Variants in MYH9 observed in about 807,000 individuals in gnomAD.
MYH9 encodes the protein myosin-9.
Under a neutral mutation model 241.9 loss-of-function variants are expected in MYH9, and 29 were observed. The observed-to-expected ratio is 0.12, with a 90% CI of 0.09 to 0.16. MYH9 has a LOEUF of 0.16. Ranked by LOEUF, MYH9 falls within the 10% of genes least tolerant of loss-of-function variation. MYH9 has a pLI of 1.00. For missense variants in MYH9, 1,803 were observed against 2,595.5 expected (o/e 0.69, Z 6.63); for synonymous variants, 1,047 against 1,062.6 (o/e 0.99, Z 0.29).
intron 1 of MYH9, among the ~76,000 whole-genome samples, chr22:36,364,178 A>G (rs1301553131): frequency 6.6e-6 from 1 of 152,248 alleles, no homozygotes; most frequent in Non-Finnish European, 1.5e-5. Context: ...TCAAGCCTTC[A>G]GCAGCTTGTT....
intron 2 of MYH9, among the ~76,000 whole-genome samples, chr22:36,343,211 AG>A (rs2017616884): frequency 6.6e-6 from 1 of 152,150 alleles, no homozygotes; most frequent in African/African-American, 2.4e-5. Flanking sequence ...CAGAACCCAG[AG>A]GGCCCCAACA....
intron 3 of MYH9, among the ~76,000 whole-genome samples, chr22:36,327,831 T>C (rs2017360492): frequency 6.6e-6 from 1 of 152,168 alleles, no homozygotes; most frequent in Admixed American, 6.5e-5. Flanking sequence ...GGACCTGCCC[T>C]GTGTGTTTAT....
intron 1 of MYH9, among the ~76,000 whole-genome samples, chr22:36,386,393 T>C (rs75680840): frequency 0.057 from 8,731 of 152,160 alleles, 268 homozygotes; most frequent in East Asian, 0.1. Context: ...AATTGAGTGA[T>C]TGTCTCAAAA....
intron 30 of MYH9, 66 bp from the exon 31 acceptor site, chr22:36,292,300 T>C: frequency 1.2e-6 from 2 of 1,602,388 alleles, no homozygotes; most frequent in Non-Finnish European, 8.5e-7. Context: ...CACCCGTCCC[T>C]GGGGCAGCTG....
At chr22:36,365,122 T>G (rs2017991744) in intron 1 of MYH9, 1 of 152,024 alleles carries the variant, frequency 6.6e-6, no homozygotes, top group Non-Finnish European at 1.5e-5. Context: ...TCCCCCATGA[T>G]CTTTGCCTCC....
Position 36,300,789 on chromosome 22 carries a change from T to C in MYH9, c.2838+62A>G. 1 of 1,580,938 alleles carries C rather than the reference T, an allele frequency of 6.3e-7. No individual in the cohort carries two copies. Among genetic ancestry groups the C allele is most frequent in the Non-Finnish European group, 8.6e-7 (1 of 1,165,372 alleles). On this transcript the variant is annotated intron_variant, in intron 22 of 40. Coordinates refer to ENST00000216181, the MANE Select transcript of MYH9 (RefSeq NM_002473.6). The surrounding 1 kb of genome is among the most constrained non-coding windows in gnomAD (Gnocchi z 5.0). ...CCATGTTCTCCCAGCTCCTGGTTCC[T>C]GCTCCTCCGCCCCGCCCTGCCCCTC... is the stretch of plus-strand genomic sequence containing the variant.
intron 40 of MYH9, among the ~76,000 whole-genome samples, 200 bp from the exon 41 acceptor site, chr22:36,282,985 C>T (rs555605653): frequency 2.0e-5 from 3 of 152,290 alleles, no homozygotes; most frequent in South Asian, 2.1e-4. Flanking sequence ...CAAAGCTTCC[C>T]GCAAAATGTT....
chr22:36,290,372 A>T (rs576649458), intron 31 of MYH9, among the ~76,000 whole-genome samples: 54 of 150,370 alleles, frequency 3.6e-4, no homozygotes, highest in African/African-American at 1.1e-3. Context: ...AAACTATTTT[A>T]AAAAAACCCA....
intron 1 of MYH9, among the ~76,000 whole-genome samples, chr22:36,370,053 T>C (rs1035199377): frequency 6.6e-6 from 1 of 152,220 alleles, no homozygotes; most frequent in Non-Finnish European, 1.5e-5. Flanking sequence ...GCCAGATAAA[T>C]TGTGGACAGA....
intron 1 of MYH9, among the ~76,000 whole-genome samples, chr22:36,353,434 C>T (rs1013173273): frequency 1.3e-5 from 2 of 152,152 alleles, no homozygotes; most frequent in African/African-American, 2.4e-5. Flanking sequence ...GATCTCAGCT[C>T]GCTGCAACCT....
chr22:36,346,427 T>C (rs1373367241), intron 2 of MYH9, among the ~76,000 whole-genome samples: 1 of 152,182 alleles, frequency 6.6e-6, no homozygotes, highest in African/African-American at 2.4e-5. Flanking sequence ...AGAAATGTGC[T>C]TAAGTCTGTC....
Position 36,305,228 on chromosome 22 carries a change from C to T in MYH9, c.2160-126G>A. On this transcript the variant is annotated intron_variant, in intron 17 of 40. Coordinates refer to ENST00000216181, the MANE Select transcript of MYH9 (RefSeq NM_002473.6). The surrounding 1 kb of genome is among the most constrained non-coding windows in gnomAD (Gnocchi z 4.7). ...ACACAGAATTCTTTACACAAACTCTCCTAAGGAAAGAAGACACAGGCAAAT... is the reference window on the plus strand; with the variant it reads ...ACACAGAATTCTTTACACAAACTCTTCTAAGGAAAGAAGACACAGGCAAAT... The T allele has an allele frequency of 1.1e-6, 1 of 874,174 alleles. No individual in the cohort carries two copies. The highest frequency in any genetic ancestry group is 1.9e-6 in the Non-Finnish European group (1 of 534,072). The allele number at this position is 874,174 out of a possible 1,614,324, so 54.2% of individuals were successfully genotyped here.
At position 36,288,461 on chromosome 22, in the gene MYH9, AC is replaced by A. The variant is rs746955423; in HGVS notation, c.4771-49del. On this transcript the variant is annotated intron_variant, in intron 33 of 40. Transcript: ENST00000216181. The surrounding 1 kb of genome is among the most constrained non-coding windows in gnomAD (Gnocchi z 4.8). ...CTTGGGAAGCTGGACCCACTGGGAG[AC>A]CCTGCCCTAGCTCTGAACTCAGGAG... 1.5e-5 allele frequency: 24 copies of A among 1,600,698 alleles called. No homozygotes were observed. Among genetic ancestry groups the A allele is most frequent in the African/African-American group, 2.7e-5 (2 of 74,782 alleles).
intron 2 of MYH9, among the ~76,000 whole-genome samples, chr22:36,343,544 C>G (rs1253402427): frequency 1.0e-5 from 1 of 99,964 alleles, no homozygotes; most frequent in East Asian, 2.0e-4. Context: ...GGAGACCCTG[C>G]TCTTAAAAAA....
In MYH9 at chr22:36,293,958, A is replaced by C. The variant is rs1219604045; in HGVS notation, c.3838-95T>G. ...TTAGGTAAAGCTGGACCTGAGTCAC[A>C]AGCTGAACCATGAGGGTCTGAGGAG... On this transcript the variant is annotated intron_variant, in intron 28 of 40. Transcript: ENST00000216181. This position sits in a 1 kb window ranked among gnomAD's most constrained non-coding sequence, Gnocchi z 5.1. 4 of 1,459,750 alleles carry C rather than the reference A, an allele frequency of 2.7e-6. No homozygotes were observed. The highest frequency in any genetic ancestry group is 3.8e-6 in the Non-Finnish European group (4 of 1,060,568). 90.4% of individuals were successfully genotyped at this position (1,459,750 alleles called of 1,614,324 possible). A position where few individuals can be genotyped will look rare whatever the true frequency, so the allele number is the denominator to read the frequency against.
chr22:36,324,937 T>C, intron 5 of MYH9: 1 of 643,844 alleles, frequency 1.6e-6, no homozygotes, highest in South Asian at 1.8e-5. Context: ...TATGATCTAT[T>C]TCACTGCTCT....
intron 13 of MYH9, among the ~76,000 whole-genome samples, chr22:36,313,469 A>C (rs1205912018): frequency 6.7e-6 from 1 of 149,396 alleles, no homozygotes; most frequent in African/African-American, 2.4e-5. Context: ...AAAAAAAAAA[A>C]AAAAAGAAGA....
In MYH9 at chr22:36,359,806, AC is replaced by A. The variant is rs565936919; in HGVS notation, c.-19-10552del. ...TATCAAGTAGGTGCTGGCAACATCA[AC>A]CTTTGGTATCAACTCAGAAGTGACA... On this transcript the variant is annotated intron_variant, in intron 1 of 40. Coordinates refer to ENST00000216181, the MANE Select transcript of MYH9 (RefSeq NM_002473.6). 1.4e-4 allele frequency among the ~76,000 whole-genome samples: 22 copies of A among 152,242 alleles called. No homozygotes were observed. In the South Asian group the frequency reaches 4.4e-3, roughly 30 times the overall value.
In MYH9 at chr22:36,369,478, G is replaced by A. The variant is rs140258052; in HGVS notation, c.-20+18329C>T. On this transcript the variant is annotated intron_variant, in intron 1 of 40. Transcript: ENST00000216181. ...AACAGCATGCTGGTGGGCTAGGAAG[G>A]TACGAGGGGGCGGTATCCATTCTTC... is the stretch of plus-strand genomic sequence containing the variant. Among the ~76,000 whole-genome samples the A allele has an allele frequency of 7.9e-3, 1,208 of 152,350 alleles. 7 individuals carry two copies. The highest frequency in any genetic ancestry group is 0.012 in the Non-Finnish European group (836 of 68,030).
Sources: allele counts gnomAD v4.1 joint callset (sites outside exome capture counted in the v4.1 genomes callset), GRCh38; gene constraint gnomAD v4.1.1; non-coding constraint Gnocchi (gnomAD v3.1); transcripts MANE v1.5; gene names NCBI Gene and HGNC (gene_info 2026-07-23, HGNC 2026-07-21).